Variants in DCAF6 observed in about 807,000 individuals in gnomAD.
DCAF6 encodes DDB1- and CUL4-associated factor 6.
A neutral mutation model predicts 125.1 loss-of-function variants in DCAF6; 54 were observed. The ratio of observed to expected loss-of-function variants is 0.43; its 90% CI spans 0.35 to 0.54. The LOEUF is 0.54. Among genes scored for constraint, DCAF6 ranks in the 20% least tolerant of loss-of-function variants. The pLI is 0.01. For synonymous variants in DCAF6, 371 were observed against 390.4 expected, an observed-to-expected ratio of 0.95 and a Z score of 0.58; for missense variants, 934 against 1,161.7, an observed-to-expected ratio of 0.80 and a Z score of 2.85.
chr1:168,010,805 T>C (rs1344069552), intron 10 of DCAF6, among the ~76,000 whole-genome samples: 2 of 152,138 alleles, frequency 1.3e-5, no homozygotes, highest in Admixed American at 1.3e-4. Context: ...CTTTCAGTTA[T>C]TTCTTAAGTT....
intron 4 of DCAF6, among the ~76,000 whole-genome samples, chr1:167,987,171 T>C (rs181682474): frequency 6.6e-6 from 1 of 152,280 alleles, no homozygotes; most frequent in East Asian, 1.9e-4. Context: ...AAAATTAAGC[T>C]TTGAATAGTT....
chr1:167,921,661 T>C, the DCAF6 span, among the ~76,000 whole-genome samples: 5 of 152,212 alleles, frequency 3.3e-5, no homozygotes, highest in East Asian at 9.6e-4. Context: ...ACTATGTTTG[T>C]CCCCAATCTA....
In DCAF6 at chr1:167,987,504, G is replaced by A. The variant is rs781442830; in HGVS notation, c.448G>A (p.Val150Ile). 1.3e-6 allele frequency: 2 copies of A among 1,554,354 alleles called. No individual in the cohort carries two copies. The highest frequency in any genetic ancestry group is 1.8e-6 in the Non-Finnish European group (2 of 1,129,626). Reference protein sequence around the residue: ...HYGTTYEIMTVPNDPYTFLSC... With the variant: ...HYGTTYEIMTIPNDPYTFLSC... ...TTCTTTTCATCTTCAGATTATGACT[G>A]TACCCAATGACCCTTACACTTTTCT... is the stretch of plus-strand genomic sequence containing the variant. Residue 150 changes from valine to isoleucine, a missense_variant, in exon 5 of 22, where the codon GTA becomes ATA. By Grantham distance (29) the Val-to-Ile change is conservative. Around this residue, in one of 5 missense-constraint regions of DCAF6, gnomAD observed 309 missense variants for 381.2 expected, o/e 0.81. Coordinates refer to ENST00000367840, the MANE Select transcript of DCAF6 (RefSeq NM_001198956.2).
chr1:167,898,391 G>T, the DCAF6 span, among the ~76,000 whole-genome samples: 1 of 152,004 alleles, frequency 6.6e-6, no homozygotes, highest in African/African-American at 2.4e-5. Context: ...ACGAAGTCAG[G>T]AGTTCAAGAC....
chr1:167,992,415 C>T (rs938491618), intron 6 of DCAF6, among the ~76,000 whole-genome samples: 4 of 152,132 alleles, frequency 2.6e-5, no homozygotes, highest in Admixed American at 1.3e-4. Flanking sequence ...TGAGATCTTT[C>T]TTTTCGGAAC....
At chr1:167,890,872 G>A in the DCAF6 span, among the ~76,000 whole-genome samples, 1 of 152,178 alleles carries the variant, frequency 6.6e-6, no homozygotes, top group Non-Finnish European at 1.5e-5. Flanking sequence ...GTATGGAGAA[G>A]TAACACAGCT....
At chr1:168,014,725 A>G (rs1001458914) in intron 10 of DCAF6, among the ~76,000 whole-genome samples, 1 of 152,206 alleles carries the variant, frequency 6.6e-6, no homozygotes, top group Non-Finnish European at 1.5e-5. Context: ...TACCTTTAAA[A>G]TGTATTGCAC....
In DCAF6 at chr1:167,989,294, A is replaced by G. The variant is rs540321768; in HGVS notation, c.552+1686A>G. On this transcript the variant is annotated intron_variant, in intron 5 of 21. Transcript: ENST00000367840. Reference sequence around the variant, plus strand: ...TTGTTATTGCAAACTCTCTTAAACTATTTTAGTGTTTCAGTGTAGTAAGAT... The same window carrying G: ...TTGTTATTGCAAACTCTCTTAAACTGTTTTAGTGTTTCAGTGTAGTAAGAT... Among the ~76,000 whole-genome samples, 43 of 152,176 alleles carry G rather than the reference A, an allele frequency of 2.8e-4. 1 individual carries two copies. Among genetic ancestry groups the G allele is most frequent in the Non-Finnish European group, 5.4e-4 (37 of 68,028 alleles).
intron 4 of DCAF6, among the ~76,000 whole-genome samples, chr1:167,986,302 T>C (rs1679997964): frequency 6.6e-6 from 1 of 152,162 alleles, no homozygotes; most frequent in Non-Finnish European, 1.5e-5. Context: ...AATTGTACCA[T>C]TTTATACTCC....
intron 13 of DCAF6, 144 bp from the exon 14 acceptor site, chr1:168,042,881 G>C: frequency 1.8e-6 from 1 of 559,240 alleles, no homozygotes; most frequent in Non-Finnish European, 3.2e-6. Context: ...TTGAAATGAT[G>C]TTTACAAATG....
intron 4 of DCAF6, among the ~76,000 whole-genome samples, chr1:167,980,944 T>G (rs573936617): frequency 2.7e-5 from 4 of 148,670 alleles, no homozygotes; most frequent in African/African-American, 9.9e-5. Flanking sequence ...TTGAGCTCTG[T>G]CACCCAGGCT....
the DCAF6 span, among the ~76,000 whole-genome samples, chr1:167,868,312 G>T: frequency 2.0e-5 from 3 of 152,162 alleles, no homozygotes; most frequent in South Asian, 6.2e-4. Flanking sequence ...TGAATTCCCG[G>T]CCCAAAAGAA....
intron 11 of DCAF6, among the ~76,000 whole-genome samples, chr1:168,021,773 G>A (rs574290524): frequency 3.0e-4 from 46 of 152,234 alleles, no homozygotes; most frequent in African/African-American, 1.0e-3. Context: ...ATGTACAAAT[G>A]CAAGCAATCA....
At chr1:167,870,561 G>A in the DCAF6 span, 1 of 663,206 alleles carries the variant, frequency 1.5e-6, no homozygotes. Flanking sequence ...GGGAGGCCGA[G>A]GTGGGCGGAT....
the DCAF6 span, among the ~76,000 whole-genome samples, chr1:167,918,847 C>T: frequency 6.6e-6 from 1 of 152,078 alleles, no homozygotes; most frequent in African/African-American, 2.4e-5. Flanking sequence ...CCTGCCTCGG[C>T]CTCCCAAAGT....
At chr1:167,923,977 A>C in the DCAF6 span, among the ~76,000 whole-genome samples, 1 of 152,366 alleles carries the variant, frequency 6.6e-6, no homozygotes, top group East Asian at 1.9e-4. Context: ...TTTTCAGCTA[A>C]GTAAGAACTT....
chr1:167,999,148 G>C (rs954819955), intron 7 of DCAF6, among the ~76,000 whole-genome samples: 6 of 152,110 alleles, frequency 3.9e-5, no homozygotes, highest in African/African-American at 1.4e-4. Flanking sequence ...CAGAGCCCTT[G>C]GATGACCAGG....
intron 12 of DCAF6, among the ~76,000 whole-genome samples, chr1:168,037,988 G>C (rs902209869): frequency 6.6e-6 from 1 of 152,134 alleles, no homozygotes; most frequent in African/African-American, 2.4e-5. Context: ...TTCTGAAAGA[G>C]CCAAAATTAG....
chr1:168,063,130 T>C (rs1180819308), intron 17 of DCAF6, among the ~76,000 whole-genome samples: 1 of 152,030 alleles, frequency 6.6e-6, no homozygotes. Flanking sequence ...TTACCTAAAG[T>C]AGTCTGTTTT....
Sources: allele counts gnomAD v4.1 joint callset (sites outside exome capture counted in the v4.1 genomes callset), GRCh38; gene constraint gnomAD v4.1.1; regional missense constraint gnomAD v4.1.1; transcripts MANE v1.5; gene names NCBI Gene and HGNC (gene_info 2026-07-23, HGNC 2026-07-21).